KCNAB1: variants seen among roughly 807,000 people sequenced by gnomAD.
The protein encoded by KCNAB1 is voltage-gated potassium channel subunit beta-1.
KCNAB1 carries 35 observed loss-of-function variants against 64.6 expected under a neutral mutation model. That is an observed-to-expected ratio of 0.54 (90% CI 0.41 to 0.72). The LOEUF is 0.72. KCNAB1 is among the 30% of genes least tolerant of loss of function. The pLI is 0.00. For synonymous variants in KCNAB1, 177 were observed against 183.8 expected, an observed-to-expected ratio of 0.96 and a Z score of 0.30; for missense variants, 401 against 512.9, an observed-to-expected ratio of 0.78 and a Z score of 2.11.
At chr3:156,358,290 C>T (rs920979483) in intron 1 of KCNAB1, among the ~76,000 whole-genome samples, 1 of 152,152 alleles carries the variant, frequency 6.6e-6, no homozygotes, top group African/African-American at 2.4e-5. Flanking sequence ...ACCACCATCA[C>T]CAACAACAAA....
chr3:156,260,275 G>A (rs534410640), intron 1 of KCNAB1, among the ~76,000 whole-genome samples: 47 of 152,182 alleles, frequency 3.1e-4, no homozygotes, highest in African/African-American at 1.1e-3. Flanking sequence ...TTTTATTAAG[G>A]TATAATTTAT....
At chr3:156,282,245 G>A (rs1719771257) in intron 1 of KCNAB1, among the ~76,000 whole-genome samples, 1 of 149,566 alleles carries the variant, frequency 6.7e-6, no homozygotes, top group East Asian at 2.0e-4. Flanking sequence ...TTCAGGAGCA[G>A]GTTGTTCAGT....
At chr3:156,416,229 C>A (rs1471427695) in intron 1 of KCNAB1, among the ~76,000 whole-genome samples, 1 of 152,224 alleles carries the variant, frequency 6.6e-6, no homozygotes, top group Non-Finnish European at 1.5e-5. Flanking sequence ...CTGCTAACAT[C>A]TTCCATTACT....
intron 1 of KCNAB1, among the ~76,000 whole-genome samples, chr3:156,262,619 A>T (rs1718494078): frequency 6.6e-6 from 1 of 151,850 alleles, no homozygotes; most frequent in African/African-American, 2.4e-5. Context: ...TTCATGAGTG[A>T]TATCAATCTG....
At chr3:156,193,914 C>T (rs116512311) in intron 1 of KCNAB1, among the ~76,000 whole-genome samples, 2,604 of 152,074 alleles carry the variant, frequency 0.017, 48 homozygotes, top group South Asian at 0.03. Context: ...TTTATTGGGA[C>T]GTAACTTCAT....
At chr3:156,459,960 AAGG>A (rs1259024446) in intron 5 of KCNAB1, 89 bp downstream of exon 5, 2 of 857,874 alleles carry the variant, frequency 2.3e-6, no homozygotes, top group East Asian at 5.1e-5. Flanking sequence ...ACCTGACCAA[AAGG>A]CTGTCAAAAA....
intron 5 of KCNAB1, among the ~76,000 whole-genome samples, chr3:156,461,234 G>T (rs1712885318): frequency 6.6e-6 from 1 of 152,166 alleles, no homozygotes. Flanking sequence ...ATTTATTCTT[G>T]CATGTTTCTG....
At chr3:156,480,224 A>G (rs542499866) in intron 8 of KCNAB1, among the ~76,000 whole-genome samples, 14 of 152,336 alleles carry the variant, frequency 9.2e-5, no homozygotes, top group Non-Finnish European at 1.6e-4. Context: ...TCGAAAAAAC[A>G]TGATATAGAA....
chr3:156,437,885 T>G (rs1470569434), intron 2 of KCNAB1, among the ~76,000 whole-genome samples: 1 of 152,186 alleles, frequency 6.6e-6, no homozygotes, highest in Non-Finnish European at 1.5e-5. Context: ...ATTGTCTCTC[T>G]TCCTGTCACT....
At chr3:156,148,446 A>C (rs1389213040) in intron 1 of KCNAB1, among the ~76,000 whole-genome samples, 1 of 152,198 alleles carries the variant, frequency 6.6e-6, no homozygotes, top group African/African-American at 2.4e-5. Context: ...AGAGAAACCA[A>C]AGAGCAAGTA....
At chr3:156,154,590 G>A (rs1715608807) in intron 1 of KCNAB1, among the ~76,000 whole-genome samples, 1 of 152,014 alleles carries the variant, frequency 6.6e-6, no homozygotes, top group Admixed American at 6.6e-5. Flanking sequence ...TCTTGTTCTT[G>A]GTATAGATCA....
intron 8 of KCNAB1, among the ~76,000 whole-genome samples, chr3:156,486,420 C>A (rs1476481376): frequency 6.6e-6 from 1 of 152,178 alleles, no homozygotes; most frequent in Non-Finnish European, 1.5e-5. Context: ...GAGCTCCATC[C>A]ACCCCAGCAT....
chr3:156,464,618 CT>C (rs1317045885), intron 6 of KCNAB1, among the ~76,000 whole-genome samples: 1 of 151,862 alleles, frequency 6.6e-6, no homozygotes, highest in African/African-American at 2.4e-5. Flanking sequence ...CTTTAGGAAC[CT>C]TCTAATCAAA....
chr3:156,122,741 T>C (rs1175038170), intron 1 of KCNAB1, among the ~76,000 whole-genome samples: 4 of 152,204 alleles, frequency 2.6e-5, no homozygotes, highest in African/African-American at 4.8e-5. Context: ...TTTCCCATCC[T>C]CCTTTATTAT....
chr3:156,489,310 G>A (rs771905315), intron 8 of KCNAB1, among the ~76,000 whole-genome samples: 13 of 152,128 alleles, frequency 8.5e-5, no homozygotes, highest in South Asian at 2.1e-4. Context: ...GGGGAGAAGC[G>A]TGTAATGTTC....
rs184771896 is a variant in KCNAB1, at chr3:156,376,099, C to T, written c.276-45517C>T. 4.5e-3 allele frequency among the ~76,000 whole-genome samples: 693 copies of T among 152,342 alleles called. 7 individuals are homozygous for T. The highest frequency in any genetic ancestry group is 0.014 in the African/African-American group (594 of 41,578). On this transcript the variant is annotated intron_variant, in intron 1 of 13. Transcript: ENST00000490337. ...CATCCCAAAGTGCTGGGATTACAGG[C>T]GTGAACCACCTCACCCAGCCTTTCA...
At chr3:156,534,511 C>G (rs796363967) in intron 13 of KCNAB1, among the ~76,000 whole-genome samples, 2 of 152,266 alleles carry the variant, frequency 1.3e-5, no homozygotes, top group African/African-American at 2.4e-5. Context: ...GAAGGCCAGG[C>G]TCCACAGCAG....
At chr3:156,236,629 G>T (rs1018208833) in intron 1 of KCNAB1, among the ~76,000 whole-genome samples, 1 of 152,066 alleles carries the variant, frequency 6.6e-6, no homozygotes, top group African/African-American at 2.4e-5. Flanking sequence ...ACTTTGCACT[G>T]CCTCTTACCT....
chr3:156,149,230 A>T (rs1191932190), intron 1 of KCNAB1, among the ~76,000 whole-genome samples: 1 of 152,062 alleles, frequency 6.6e-6, no homozygotes, highest in Middle Eastern at 3.2e-3. Context: ...AATCTAAGCT[A>T]CTAGATGGTA....
Sources: allele counts gnomAD v4.1 joint callset (sites outside exome capture counted in the v4.1 genomes callset), GRCh38; gene constraint gnomAD v4.1.1; transcripts MANE v1.5; gene names NCBI Gene and HGNC (gene_info 2026-07-23, HGNC 2026-07-21).